Variants in TRPM3 observed in about 807,000 individuals in gnomAD.
TRPM3 encodes the protein transient receptor potential cation channel subfamily M member 3.
TRPM3 carries 77 observed loss-of-function variants against 181.2 expected under a neutral mutation model. That is an observed-to-expected ratio of 0.42 (90% CI 0.35 to 0.51). The LOEUF (loss-of-function observed/expected upper bound fraction) is 0.51, where lower values mean the gene tolerates loss of function less well. Ranked by LOEUF, TRPM3 falls within the 20% of genes least tolerant of loss-of-function variation. The probability of loss-of-function intolerance (pLI) is 0.01; values close to 1 mark genes in which losing one functional copy is unlikely to be tolerated. For missense variants in TRPM3, 1,759 were observed against 2,196.7 expected (o/e 0.80, Z 3.98); for synonymous variants, 745 against 796.4 (o/e 0.94, Z 1.09).
intron 16 of TRPM3, 101 bp downstream of exon 16, chr9:70,619,975 C>G (rs954437272): frequency 4.1e-6 from 5 of 1,222,342 alleles, no homozygotes; most frequent in Non-Finnish European, 5.7e-6. Flanking sequence ...TGGGGTGATA[C>G]TGATTTCCCT....
intron 6 of TRPM3, among the ~76,000 whole-genome samples, chr9:70,788,049 A>T (rs1298809672): frequency 4.8e-5 from 7 of 145,976 alleles, no homozygotes; most frequent in African/African-American, 1.8e-4. Context: ...TTTAGGGTAC[A>T]TATGCACATT....
At chr9:70,866,870 G>A (rs537160204) in intron 1 of TRPM3, among the ~76,000 whole-genome samples, 1 of 152,146 alleles carries the variant, frequency 6.6e-6, no homozygotes, top group South Asian at 2.1e-4. Flanking sequence ...TGAAGAAATT[G>A]AGGCAGAGAG....
chr9:70,909,739 C>CA (rs1425508102), intron 1 of TRPM3, among the ~76,000 whole-genome samples: 1 of 152,142 alleles, frequency 6.6e-6, no homozygotes, highest in Non-Finnish European at 1.5e-5. Context: ...CAAGATTATT[C>CA]AACTTAATTT....
chr9:70,544,962 AAAT>A (rs1295258115), intron 25 of TRPM3, among the ~76,000 whole-genome samples: 2 of 152,058 alleles, frequency 1.3e-5, no homozygotes, highest in Non-Finnish European at 2.9e-5. Flanking sequence ...TGTAGGTCAA[AAAT>A]AATAATCATC....
At chr9:70,895,719 A>G (rs2096270960) in intron 1 of TRPM3, among the ~76,000 whole-genome samples, 1 of 152,174 alleles carries the variant, frequency 6.6e-6, no homozygotes, top group African/African-American at 2.4e-5. Flanking sequence ...GGAACTGAGA[A>G]TATATTTCAC....
chr9:70,836,404 C>G (rs1358854962), intron 5 of TRPM3, among the ~76,000 whole-genome samples: 1 of 152,176 alleles, frequency 6.6e-6, no homozygotes, highest in Non-Finnish European at 1.5e-5. Flanking sequence ...TAAGAGGTCT[C>G]TGCCAACTCT....
chr9:70,790,528 T>C (rs1667677734), intron 6 of TRPM3, among the ~76,000 whole-genome samples: 1 of 152,224 alleles, frequency 6.6e-6, no homozygotes, highest in Admixed American at 6.5e-5. Flanking sequence ...AGAATTCATG[T>C]ACTTTGACAT....
intron 1 of TRPM3, among the ~76,000 whole-genome samples, chr9:71,162,059 G>A (rs2076296271): frequency 6.6e-6 from 1 of 151,862 alleles, no homozygotes; most frequent in Non-Finnish European, 1.5e-5. Context: ...AATTAGCCAG[G>A]TGTGGTGGTG....
At chr9:71,212,495 A>C (rs1034975560) in intron 1 of TRPM3, among the ~76,000 whole-genome samples, 1 of 152,220 alleles carries the variant, frequency 6.6e-6, no homozygotes, top group African/African-American at 2.4e-5. Context: ...CAAACAAATT[A>C]ATCTCTTTAC....
At chr9:71,334,905 T>C (rs2090448484) in intron 1 of TRPM3, among the ~76,000 whole-genome samples, 1 of 152,148 alleles carries the variant, frequency 6.6e-6, no homozygotes, top group Admixed American at 6.6e-5. Context: ...ATTTACCTCA[T>C]TGTTGGTTTA....
chr9:70,666,540 C>T (rs1254358126), intron 9 of TRPM3, among the ~76,000 whole-genome samples: 3 of 152,146 alleles, frequency 2.0e-5, no homozygotes, highest in Non-Finnish European at 4.4e-5. Flanking sequence ...ATTGAAAATA[C>T]ATGTCTTCAG....
At chr9:70,823,116 C>T (rs564173784) in intron 6 of TRPM3, among the ~76,000 whole-genome samples, 3 of 152,180 alleles carry the variant, frequency 2.0e-5, no homozygotes, top group Admixed American at 6.5e-5. Flanking sequence ...TCTGGGCTTC[C>T]CCTGCAGTGC....
chr9:70,663,046 A>T (rs2061346817), intron 9 of TRPM3, among the ~76,000 whole-genome samples: 1 of 152,214 alleles, frequency 6.6e-6, no homozygotes, highest in South Asian at 2.1e-4. Flanking sequence ...ACACCACGGA[A>T]TATTACTCAG....
intron 8 of TRPM3, among the ~76,000 whole-genome samples, chr9:70,742,123 A>G (rs1246622273): frequency 6.6e-6 from 1 of 152,176 alleles, no homozygotes; most frequent in Admixed American, 6.6e-5. Flanking sequence ...CATTTTAATG[A>G]CATAGGAACA....
chr9:70,974,431 C>A (rs533026598), intron 1 of TRPM3, among the ~76,000 whole-genome samples: 1 of 151,694 alleles, frequency 6.6e-6, no homozygotes, highest in Non-Finnish European at 1.5e-5. Flanking sequence ...ACCAGCTACT[C>A]GGGAGGCTGA....
intron 1 of TRPM3, among the ~76,000 whole-genome samples, chr9:71,089,848 A>G (rs1028591556): frequency 4.6e-5 from 7 of 152,092 alleles, no homozygotes; most frequent in Non-Finnish European, 1.0e-4. Flanking sequence ...CAGAGAGAGG[A>G]GCTCTACATC....
intron 7 of TRPM3, among the ~76,000 whole-genome samples, chr9:70,772,602 C>T (rs1588129995): frequency 6.6e-6 from 1 of 152,174 alleles, no homozygotes; most frequent in East Asian, 1.9e-4. Context: ...GGATTACAAG[C>T]GTGAGCCACC....
intron 1 of TRPM3, among the ~76,000 whole-genome samples, chr9:71,366,480 G>T (rs1219431004): frequency 6.6e-6 from 1 of 152,122 alleles, no homozygotes; most frequent in Non-Finnish European, 1.5e-5. Context: ...GGTGGTATGA[G>T]GGTAGGAGAG....
chr9:70,761,951 C>T (rs561141892), intron 7 of TRPM3, among the ~76,000 whole-genome samples: 1 of 152,258 alleles, frequency 6.6e-6, no homozygotes, highest in East Asian at 1.9e-4. Flanking sequence ...GATTGATTTA[C>T]ATATTTTAAT....
Sources: gnomAD v4.1 joint callset for allele counts (sites outside exome capture counted in the v4.1 genomes callset) on GRCh38, gnomAD v4.1.1 for gene constraint, MANE v1.5 for transcripts, NCBI Gene and HGNC (gene_info 2026-07-23, HGNC 2026-07-21) for gene names.